Variants in AEBP2 observed in about 807,000 individuals in gnomAD.
The protein encoded by AEBP2 is AE binding protein 2, also known as zinc finger protein AEBP2.
A neutral mutation model predicts 50.8 loss-of-function variants in AEBP2; 10 were observed. That is an observed-to-expected ratio of 0.20 (90% CI 0.12 to 0.33). The LOEUF is 0.33. AEBP2 is among the 10% of genes least tolerant of loss of function. The pLI, the probability that AEBP2 is intolerant of heterozygous loss-of-function variation, is 1.00. For missense variants in AEBP2, 570 were observed against 688.0 expected (o/e 0.83, Z 1.92); for synonymous variants, 296 against 261.3 (o/e 1.13, Z -1.28).
At chr12:19,480,269 A>G (rs1029329469) in intron 3 of AEBP2, among the ~76,000 whole-genome samples, 1 of 151,996 alleles carries the variant, frequency 6.6e-6, no homozygotes, top group Non-Finnish European at 1.5e-5. Flanking sequence ...ACGCCTGGCT[A>G]ATTTTTGTAT....
At chr12:19,461,236 ATTCT>A (rs1170094322) in intron 1 of AEBP2, among the ~76,000 whole-genome samples, 1 of 152,156 alleles carries the variant, frequency 6.6e-6, no homozygotes, top group Admixed American at 6.5e-5. Context: ...ATCTGAAAAC[ATTCT>A]TTCTCTTGAC....
intron 6 of AEBP2, 91 bp downstream of exon 6, chr12:19,512,556 TAAAA>T (rs1949249185): frequency 3.4e-6 from 3 of 883,342 alleles, no homozygotes; most frequent in Non-Finnish European, 1.7e-6. Context: ...TAAATTCAAA[TAAAA>T]AGAAATTACA....
upstream of AEBP2, among the ~76,000 whole-genome samples, chr12:19,438,272 A>G (rs758544984): frequency 2.6e-5 from 4 of 152,242 alleles, no homozygotes; most frequent in African/African-American, 4.8e-5. Flanking sequence ...ACAGATCATT[A>G]AAAGTATTTT....
intron 3 of AEBP2, among the ~76,000 whole-genome samples, chr12:19,478,480 G>T (rs1279031246): frequency 6.6e-6 from 1 of 152,030 alleles, no homozygotes; most frequent in Non-Finnish European, 1.5e-5. Flanking sequence ...TATTTTTACA[G>T]GGTTTCACCA....
chr12:19,440,960 A>G (rs929526172), intron 1 of AEBP2, among the ~76,000 whole-genome samples: 2 of 152,204 alleles, frequency 1.3e-5, no homozygotes, highest in Non-Finnish European at 2.9e-5. Flanking sequence ...GATTTTAACA[A>G]TCTTTTCTAT....
chr12:19,456,162 A>C, intron 1 of AEBP2: 1 of 958,458 alleles, frequency 1.0e-6, no homozygotes, highest in Non-Finnish European at 1.6e-6. Context: ...TACTAAACTT[A>C]AATGGCCAAT....
Position 19,478,304 on chromosome 12 carries a change from C to CT in AEBP2, c.987+4958dup, listed in dbSNP as rs199506870. ...CCTATTTGTGACCTTTCAGACTTTT[C>CT]TTTTTTTTTGAGACAGAGTCTCACT... On this transcript the variant is annotated intron_variant, in intron 3 of 7. Coordinates refer to ENST00000266508, the MANE Select transcript of AEBP2 (RefSeq NM_153207.5). Among the ~76,000 whole-genome samples the CT allele has an allele frequency of 6.6e-3, 1,004 of 151,468 alleles. 6 individuals are homozygous for CT. The highest frequency in any genetic ancestry group is 0.01 in the Non-Finnish European group (700 of 67,830).
chr12:19,445,371 T>C (rs1290994137), intron 1 of AEBP2, among the ~76,000 whole-genome samples: 1 of 31,292 alleles, frequency 3.2e-5, no homozygotes, highest in South Asian at 1.0e-3. Flanking sequence ...GCTCGTTTTC[T>C]TTTTTTTTTT....
intron 4 of AEBP2, among the ~76,000 whole-genome samples, chr12:19,495,516 C>G (rs1162643326): frequency 6.7e-6 from 1 of 149,440 alleles, no homozygotes; most frequent in Non-Finnish European, 1.5e-5. Flanking sequence ...GAAAAGTAAA[C>G]TTTCTTAAAC....
chr12:19,501,527 C>T (rs1362517037), intron 5 of AEBP2, among the ~76,000 whole-genome samples: 1 of 151,890 alleles, frequency 6.6e-6, no homozygotes, highest in African/African-American at 2.4e-5. Context: ...GTCCCAGTTA[C>T]CCAGGAGGCT....
chr12:19,484,412 G>A (rs140379109), intron 3 of AEBP2, among the ~76,000 whole-genome samples: 64 of 151,328 alleles, frequency 4.2e-4, no homozygotes, highest in Non-Finnish European at 8.7e-4. Context: ...GCTGTGCTCT[G>A]TTGCCAGGCT....
At chr12:19,503,069 C>G (rs1949106461) in intron 5 of AEBP2, among the ~76,000 whole-genome samples, 1 of 152,104 alleles carries the variant, frequency 6.6e-6, no homozygotes. Context: ...TGCCTTGGCT[C>G]TTTGCGCTCC....
At chr12:19,453,628 T>C (rs1208072362) in intron 1 of AEBP2, among the ~76,000 whole-genome samples, 2 of 151,980 alleles carry the variant, frequency 1.3e-5, no homozygotes, top group Non-Finnish European at 2.9e-5. Flanking sequence ...TTTGCCATGT[T>C]GGCTAGGCTG....
chr12:19,458,381 T>A (rs150528325), intron 1 of AEBP2, among the ~76,000 whole-genome samples: 1 of 152,196 alleles, frequency 6.6e-6, no homozygotes, highest in African/African-American at 2.4e-5. Flanking sequence ...CCTGTTCAGC[T>A]TGGGGGAGAC....
intron 1 of AEBP2, among the ~76,000 whole-genome samples, chr12:19,416,896 G>A (rs2095742894): frequency 7.1e-6 from 1 of 141,282 alleles, no homozygotes; most frequent in African/African-American, 2.7e-5. Context: ...TTTTGAGTTG[G>A]AATCTCGCTC....
At chr12:19,406,671 A>ACG (rs60858673) in intron 1 of AEBP2, among the ~76,000 whole-genome samples, 118,793 of 150,746 alleles carry the variant, frequency 0.79, 47,171 homozygotes, top group African/African-American at 0.89. Flanking sequence ...GCAAGAGCGA[A>ACG]ACTCTGTCTC....
chr12:19,436,582 TTTTTC>T (rs1220032175), upstream of AEBP2, among the ~76,000 whole-genome samples: 11 of 43,120 alleles, frequency 2.6e-4, no homozygotes, highest in Middle Eastern at 7.9e-3. Flanking sequence ...TTTCTTTTCT[TTTTTC>T]TTTTTTTTTT....
intron 5 of AEBP2, among the ~76,000 whole-genome samples, chr12:19,511,486 G>T (rs1275634274): frequency 1.3e-5 from 2 of 152,212 alleles, no homozygotes; most frequent in Admixed American, 6.5e-5. Context: ...CATACTAAGA[G>T]TGACCCTTTC....
rs1194076985 is a variant in AEBP2, at chr12:19,498,148, A to G, written c.1175-1949A>G. Among the ~76,000 whole-genome samples the G allele has an allele frequency of 2.6e-5, 4 of 152,160 alleles. No individual in the cohort carries two copies. The East Asian group carries it at 7.7e-4, about 29-fold the overall frequency. ...GAGTGAGGAGTGGTTAATTTTAGTGATTTAGAGTGATGAGTTATTATTTTC... is the reference window on the plus strand; with the variant it reads ...GAGTGAGGAGTGGTTAATTTTAGTGGTTTAGAGTGATGAGTTATTATTTTC... On this transcript the variant is annotated intron_variant, in intron 4 of 7. Coordinates refer to ENST00000266508, the MANE Select transcript of AEBP2 (RefSeq NM_153207.5).
Sources: gnomAD v4.1 joint callset for allele counts (sites outside exome capture counted in the v4.1 genomes callset) on GRCh38, gnomAD v4.1.1 for gene constraint, MANE v1.5 for transcripts, NCBI Gene and HGNC (gene_info 2026-07-23, HGNC 2026-07-21) for gene names.